Variants in ZBTB20 observed in about 807,000 individuals in gnomAD.
ZBTB20 encodes zinc finger and BTB domain containing 20.
Under a neutral mutation model 56.9 loss-of-function variants are expected in ZBTB20, and 9 were observed. The ratio of observed to expected loss-of-function variants is 0.16; its 90% CI spans 0.10 to 0.28. The LOEUF (loss-of-function observed/expected upper bound fraction) is 0.28. Ranked by LOEUF, ZBTB20 falls within the 10% of genes least tolerant of loss-of-function variation. The pLI is 1.00. For missense variants in ZBTB20, 655 were observed against 1,003.0 expected, an observed-to-expected ratio of 0.65 and a Z score of 4.69; for synonymous variants, 417 against 420.7, an observed-to-expected ratio of 0.99 and a Z score of 0.11.
intron 10 of ZBTB20, among the ~76,000 whole-genome samples, chr3:114,366,325 A>G (rs993725461): frequency 6.6e-6 from 1 of 150,832 alleles, no homozygotes; most frequent in Non-Finnish European, 1.5e-5. Context: ...TTCCATTGTT[A>G]TATTCATTCC....
rs941721751 is a variant in ZBTB20 at position 114,930,698 on chromosome 3, G to A, written c.-455-30356C>T. On this transcript the variant is annotated intron_variant, in intron 3 of 11. Transcript: ENST00000675478. ...GGAAGATTTTGGGAACAGTAAAATG[G>A]TTCAATGTAAGAAATAAATGGTTTC... 4.9e-5 allele frequency: 10 copies of A among 203,948 alleles called. No homozygotes were observed. The South Asian group carries it at 7.9e-4, about 16-fold the overall frequency. The allele number at this position is 203,948 out of a possible 1,614,324, so 12.6% of individuals were successfully genotyped here. A position where few individuals can be genotyped will look rare whatever the true frequency, so the allele number is the denominator to read the frequency against.
chr3:114,828,174 G>C (rs995407878), intron 4 of ZBTB20, among the ~76,000 whole-genome samples: 5 of 151,632 alleles, frequency 3.3e-5, no homozygotes, highest in Non-Finnish European at 3.0e-5. Context: ...TTGTCAAATA[G>C]AATAAATTTC....
In ZBTB20 at chr3:114,785,373, T is replaced by G. The variant is rs1009858131; in HGVS notation, c.-343+15728A>C. On this transcript the variant is annotated intron_variant, in intron 5 of 11. Coordinates refer to ENST00000675478, the MANE Select transcript of ZBTB20 (RefSeq NM_001348800.3). Reference sequence around the variant, plus strand: ...AAGGATAATCTTCAAACTATTAAATTATATTCTCTTTGTACGTCTAATGTG... The same window carrying G: ...AAGGATAATCTTCAAACTATTAAATGATATTCTCTTTGTACGTCTAATGTG... 2.6e-4 allele frequency among the ~76,000 whole-genome samples: 39 copies of G among 152,262 alleles called. 1 individual carries two copies. The highest frequency in any genetic ancestry group is 9.2e-4 in the Admixed American group (14 of 15,292).
chr3:114,794,982 T>C (rs2071241453), intron 5 of ZBTB20, among the ~76,000 whole-genome samples: 1 of 152,050 alleles, frequency 6.6e-6, no homozygotes, highest in African/African-American at 2.4e-5. Context: ...TTGGTATGCA[T>C]CTCTACATTA....
intron 7 of ZBTB20, among the ~76,000 whole-genome samples, chr3:114,430,692 T>C (rs1424769405): frequency 6.6e-6 from 1 of 152,178 alleles, no homozygotes; most frequent in Non-Finnish European, 1.5e-5. Context: ...AAAGTTATCA[T>C]GCAAAAATTA....
chr3:115,013,733 C>T lies in ZBTB20; in HGVS notation c.-506-39317G>A, dbSNP rs182210045. ...AAAAAGGCACAACAAAGACACATTT[C>T]GGATCAAATGGCTTTGATCCAAAAG... On this transcript the variant is annotated intron_variant, in intron 2 of 11. Transcript: ENST00000675478. 4.0e-5 allele frequency among the ~76,000 whole-genome samples: 6 copies of T among 151,718 alleles called. No individual in the cohort carries two copies. In the East Asian group the frequency reaches 5.9e-4, roughly 15 times the overall value.
chr3:115,011,668 C>T (rs2079718226), intron 2 of ZBTB20, among the ~76,000 whole-genome samples: 1 of 151,804 alleles, frequency 6.6e-6, no homozygotes, highest in Middle Eastern at 3.4e-3. Context: ...GGGAGTACTT[C>T]AATCAAATAA....
At chr3:114,385,772 CAGG>C (rs1026231750) in intron 8 of ZBTB20, among the ~76,000 whole-genome samples, 1 of 152,110 alleles carries the variant, frequency 6.6e-6, no homozygotes, top group Non-Finnish European at 1.5e-5. Context: ...GAGGCTGAGG[CAGG>C]AGAATTGCTT....
intron 2 of ZBTB20, among the ~76,000 whole-genome samples, chr3:115,005,963 C>A (rs2079447899): frequency 6.6e-6 from 1 of 151,782 alleles, no homozygotes; most frequent in Admixed American, 6.6e-5. Context: ...AGCATTCTAC[C>A]CACGTTAATG....
chr3:114,714,261 AAG>A (rs1167953232), intron 5 of ZBTB20, among the ~76,000 whole-genome samples: 1 of 152,224 alleles, frequency 6.6e-6, no homozygotes, highest in Admixed American at 6.5e-5. Flanking sequence ...GTGCCCAGCT[AAG>A]AGAATTCTTC....
chr3:115,010,332 T>A (rs2108258302), intron 2 of ZBTB20, among the ~76,000 whole-genome samples: 1 of 152,086 alleles, frequency 6.6e-6, no homozygotes, highest in South Asian at 2.1e-4. Context: ...ACTGCTGTGC[T>A]GGCTTCAGGT....
At chr3:114,581,165 TA>T (rs1230000463) in intron 6 of ZBTB20, among the ~76,000 whole-genome samples, 2 of 152,014 alleles carry the variant, frequency 1.3e-5, no homozygotes, top group Non-Finnish European at 2.9e-5. Context: ...ATAAATTAGT[TA>T]ATAAAGAATG....
At position 114,326,481 on chromosome 3, in the gene ZBTB20, G is replaced by A. The variant is rs2079068992; in HGVS notation, c.*12524C>T. On this transcript the variant is annotated 3_prime_UTR_variant, in exon 12 of 12. Transcript: ENST00000675478. Reference sequence around the variant, plus strand: ...TTGAAATGGAAGATAAGATTTTTTGGAGGAAAAATTCCTTCATGGTAGGAT... The same window carrying A: ...TTGAAATGGAAGATAAGATTTTTTGAAGGAAAAATTCCTTCATGGTAGGAT... 1 of 152,072 alleles carries A rather than the reference G, an allele frequency of 6.6e-6. No homozygotes were observed. The allele number at this position is 152,072 out of a possible 1,614,324, so 9.4% of individuals were successfully genotyped here. A position where few individuals can be genotyped will look rare whatever the true frequency, so the allele number is the denominator to read the frequency against.
chr3:114,910,969 T>G (rs2075512330), intron 3 of ZBTB20, among the ~76,000 whole-genome samples: 1 of 152,226 alleles, frequency 6.6e-6, no homozygotes, highest in South Asian at 2.1e-4. Context: ...CTAAGCTTCA[T>G]GTCTTTCACA....
intron 7 of ZBTB20, among the ~76,000 whole-genome samples, chr3:114,399,789 G>A (rs2086658473): frequency 1.3e-5 from 2 of 152,060 alleles, no homozygotes. Context: ...TTTATGTTCT[G>A]GGTGAAGCCT....
At chr3:115,141,658 T>TCAAAA (rs2084814485) in intron 1 of ZBTB20, among the ~76,000 whole-genome samples, 1 of 152,182 alleles carries the variant, frequency 6.6e-6, no homozygotes, top group Non-Finnish European at 1.5e-5. Flanking sequence ...ACAATACCAT[T>TCAAAA]CAAAACAAGT....
At chr3:114,577,497 C>G (rs1417067723) in intron 6 of ZBTB20, among the ~76,000 whole-genome samples, 4 of 152,156 alleles carry the variant, frequency 2.6e-5, no homozygotes, top group Non-Finnish European at 5.9e-5. Flanking sequence ...CACAGAAACA[C>G]AGTCAGACTT....
intron 3 of ZBTB20, among the ~76,000 whole-genome samples, chr3:114,944,073 C>T (rs1442961207): frequency 1.4e-5 from 2 of 145,714 alleles, no homozygotes; most frequent in Non-Finnish European, 3.0e-5. Flanking sequence ...GAGAACAAAG[C>T]CATGATATCT....
chr3:114,959,062 T>A (rs1243217836), intron 3 of ZBTB20, among the ~76,000 whole-genome samples: 1 of 152,190 alleles, frequency 6.6e-6, no homozygotes, highest in East Asian at 1.9e-4. Flanking sequence ...ATACTCTGAA[T>A]GTCTCAACTA....
Sources: allele counts gnomAD v4.1 joint callset (sites outside exome capture counted in the v4.1 genomes callset), GRCh38; gene constraint gnomAD v4.1.1; transcripts MANE v1.5; gene names NCBI Gene and HGNC (gene_info 2026-07-23, HGNC 2026-07-21).